RTKN2: variants seen among roughly 807,000 people sequenced by gnomAD.
RTKN2 encodes the protein rhotekin 2, also known as rhotekin-2.
A neutral mutation model predicts 71.5 loss-of-function variants in RTKN2; 69 were observed. The ratio of observed to expected loss-of-function variants is 0.96; its 90% CI spans 0.79 to 1.18. RTKN2 has a LOEUF of 1.18. RTKN2 is among the 50% of genes most tolerant of loss of function. The pLI is 0.00. For synonymous variants in RTKN2, 236 were observed against 236.5 expected (o/e 1.00, Z 0.02); for missense variants, 724 against 719.7 (o/e 1.01, Z -0.07).
intron 9 of RTKN2, among the ~76,000 whole-genome samples, chr10:62,205,505 G>A (rs1232908199): frequency 6.6e-6 from 1 of 152,084 alleles, no homozygotes; most frequent in Admixed American, 6.6e-5. Flanking sequence ...AGTTAAAGCA[G>A]TAAAACCGTA....
At chr10:62,184,777 C>G (rs1383939487) in intron 8 of RTKN2, among the ~76,000 whole-genome samples, 1 of 152,064 alleles carries the variant, frequency 6.6e-6, no homozygotes, top group Non-Finnish European at 1.5e-5. Context: ...CCAAATAACC[C>G]AAGTCGCTAA....
At chr10:62,267,792 T>C (rs560977204) in intron 1 of RTKN2, among the ~76,000 whole-genome samples, 1 of 152,330 alleles carries the variant, frequency 6.6e-6, no homozygotes, top group South Asian at 2.1e-4. Flanking sequence ...GAGATTAAAA[T>C]AGAAGTGAAG....
Position 62,197,179 on chromosome 10 carries a change from C to T in RTKN2, c.*729G>A, listed in dbSNP as rs1589329435. The T allele has an allele frequency of 1.0e-6, 1 of 985,600 alleles. No homozygotes were observed. Among genetic ancestry groups the T allele is most frequent in the East Asian group, 1.1e-4 (1 of 8,816 alleles). 61.1% of individuals were successfully genotyped at this position (985,600 alleles called of 1,614,324 possible). ...AGTCACAATGGAAATTAGCACCACA[C>T]ACAGAAAATTGAATGTAAAGAGCAT... On this transcript the variant is annotated 3_prime_UTR_variant, in exon 12 of 12. Transcript: ENST00000373789.
intron 9 of RTKN2, among the ~76,000 whole-genome samples, chr10:62,207,574 T>G (rs1841573238): frequency 6.6e-6 from 1 of 152,078 alleles, no homozygotes; most frequent in African/African-American, 2.4e-5. Flanking sequence ...AGGAAGTGAT[T>G]AGAAAACACT....
intron 3 of RTKN2, 113 bp downstream of exon 3, chr10:62,245,886 A>G: frequency 1.5e-6 from 1 of 658,344 alleles, no homozygotes; most frequent in Non-Finnish European, 2.7e-6. Context: ...ATATTCTGAT[A>G]GAGGTATGAA....
At chr10:62,225,420 GT>G (rs1363805879) in intron 6 of RTKN2, among the ~76,000 whole-genome samples, 1 of 152,150 alleles carries the variant, frequency 6.6e-6, no homozygotes, top group Non-Finnish European at 1.5e-5. Flanking sequence ...AAAATGACCA[GT>G]TGTCTCTACA....
At chr10:62,228,041 G>A (rs1479666858) in intron 6 of RTKN2, among the ~76,000 whole-genome samples, 1 of 152,198 alleles carries the variant, frequency 6.6e-6, no homozygotes, top group African/African-American at 2.4e-5. Flanking sequence ...TGATATCTAG[G>A]TGCATTATTT....
At chr10:62,210,094 T>C (rs779610693) in intron 9 of RTKN2, among the ~76,000 whole-genome samples, 30 of 152,164 alleles carry the variant, frequency 2.0e-4, no homozygotes, top group Admixed American at 1.4e-3. Flanking sequence ...TGTATGAGCA[T>C]TCCTTTTTCT....
At chr10:62,220,623 C>T (rs1452795835) in intron 7 of RTKN2, among the ~76,000 whole-genome samples, 1 of 151,596 alleles carries the variant, frequency 6.6e-6, no homozygotes, top group East Asian at 1.9e-4. Context: ...GCAAAAAGAA[C>T]AAAAGCTACA....
In RTKN2 at chr10:62,198,431, G is replaced by T; in HGVS notation, c.1307C>A (p.Pro436His). The T allele has an allele frequency of 6.7e-7, 1 of 1,497,242 alleles. No individual in the cohort carries two copies. The allele number at this position is 1,497,242 out of a possible 1,614,324, so 92.7% of individuals were successfully genotyped here. ...SVYHDMSIDS[P>H]MKLESLTDII... Reference sequence around the variant, plus strand: ...ATCCGTTAAACTTTCAAGTTTCATAGGTGAATCAATGCCTATAATAATTTT... The same window carrying T: ...ATCCGTTAAACTTTCAAGTTTCATATGTGAATCAATGCCTATAATAATTTT... Residue 436 changes from proline to histidine, a missense_variant, in exon 12 of 12, where the codon CCT becomes CAT. Coordinates refer to ENST00000373789, the MANE Select transcript of RTKN2 (RefSeq NM_145307.4).
In RTKN2 at chr10:62,268,697, C is replaced by A; in HGVS notation, c.-87G>T. ...CCCTGGCAGGAGCCGCAGAGGACGC[C>A]AACCGCCCGGCCGTACCAAGTCCCA... On this transcript the variant is annotated 5_prime_UTR_variant, in exon 1 of 12. Transcript: ENST00000373789. 7.3e-7 allele frequency: 1 copy of A among 1,377,000 alleles called. No individual in the cohort carries two copies. Among genetic ancestry groups the A allele is most frequent in the Non-Finnish European group, 1.0e-6 (1 of 1,003,286 alleles). 85.3% of individuals were successfully genotyped at this position (1,377,000 alleles called of 1,614,324 possible).
chr10:62,264,781 C>T (rs149080362), intron 1 of RTKN2, among the ~76,000 whole-genome samples: 11 of 152,068 alleles, frequency 7.2e-5, no homozygotes, highest in African/African-American at 2.4e-4. Context: ...ATAGAAGTAC[C>T]TAAACCTGTG....
At chr10:62,206,819 A>G (rs991512868) in intron 9 of RTKN2, among the ~76,000 whole-genome samples, 1 of 151,972 alleles carries the variant, frequency 6.6e-6, no homozygotes, top group African/African-American at 2.4e-5. Flanking sequence ...TTAAGTAATT[A>G]TTTTTATTAT....
In RTKN2 at chr10:62,217,153, T is replaced by C. The variant is rs1012649403; in HGVS notation, c.985A>G (p.Lys329Glu). 2.5e-6 allele frequency: 4 copies of C among 1,596,446 alleles called. No homozygotes were observed. Among genetic ancestry groups the C allele is most frequent in the Non-Finnish European group, 3.4e-6 (4 of 1,172,304 alleles). ...CFYSPEEIEA[K>E]VEPALVVPIN... ...GGTACTACCAAAGCTGGTTCCACTTTAGCTTCAATTTCCTCTGGACTGTAA... is the reference window on the plus strand; with the variant it reads ...GGTACTACCAAAGCTGGTTCCACTTCAGCTTCAATTTCCTCTGGACTGTAA... The change falls in exon 9 of 12, where the codon AAA becomes GAA. Residue 329 changes from lysine (K) to glutamate (E), a missense_variant. Lys to Glu is a moderately conservative substitution (Grantham distance 56). Transcript: ENST00000373789.
At chr10:62,221,328 TCAAA>T (rs1332520290) in intron 7 of RTKN2, among the ~76,000 whole-genome samples, 1 of 151,882 alleles carries the variant, frequency 6.6e-6, no homozygotes, top group Non-Finnish European at 1.5e-5. Flanking sequence ...TAACCTTAAT[TCAAA>T]CAAGGAAAAA....
At chr10:62,185,990 C>A (rs1015204222) in intron 8 of RTKN2, among the ~76,000 whole-genome samples, 2 of 152,174 alleles carry the variant, frequency 1.3e-5, no homozygotes, top group Admixed American at 1.3e-4. Flanking sequence ...GGGCCTGGGC[C>A]TTAGAAGAGT....
intron 9 of RTKN2, among the ~76,000 whole-genome samples, chr10:62,207,193 A>G (rs1183811497): frequency 1.3e-5 from 2 of 152,056 alleles, no homozygotes; most frequent in Non-Finnish European, 2.9e-5. Flanking sequence ...CCAAGGTATC[A>G]TTTCATATGA....
chr10:62,198,504 A>G lies in RTKN2; in HGVS notation c.1295-61T>C. 4.9e-6 allele frequency: 6 copies of G among 1,224,386 alleles called. No homozygotes were observed. The South Asian group carries it at 9.8e-5, about 20-fold the overall frequency. The allele number at this position is 1,224,386 out of a possible 1,614,324, so 75.8% of individuals were successfully genotyped here. A position where few individuals can be genotyped will look rare whatever the true frequency, so the allele number is the denominator to read the frequency against. ...TTCAAAAGCAGTATGTACTTTATCTAAATAAGTTCTTTTCCAAACTAGTAT... is the reference window on the plus strand; with the variant it reads ...TTCAAAAGCAGTATGTACTTTATCTGAATAAGTTCTTTTCCAAACTAGTAT... On this transcript the variant is annotated intron_variant, in intron 11 of 11. Coordinates refer to ENST00000373789, the MANE Select transcript of RTKN2 (RefSeq NM_145307.4).
intron 9 of RTKN2, among the ~76,000 whole-genome samples, chr10:62,214,560 C>A (rs189942356): frequency 4.6e-5 from 7 of 152,194 alleles, no homozygotes; most frequent in Admixed American, 4.6e-4. Context: ...TCAGTCAGGC[C>A]ATATAAACAT....
Sources: allele counts gnomAD v4.1 joint callset (sites outside exome capture counted in the v4.1 genomes callset), GRCh38; gene constraint gnomAD v4.1.1; transcripts MANE v1.5; gene names NCBI Gene and HGNC (gene_info 2026-07-23, HGNC 2026-07-21).